RAB3C: variants seen among roughly 807,000 people sequenced by gnomAD.
The protein encoded by RAB3C is RAB3C, member RAS oncogene family, also known as ras-related protein Rab-3C.
A neutral mutation model predicts 26.4 loss-of-function variants in RAB3C; 17 were observed. That is an observed-to-expected ratio of 0.64 (90% CI 0.44 to 0.97). The LOEUF (loss-of-function observed/expected upper bound fraction) is 0.97. Among genes scored for constraint, RAB3C ranks in the 50% least tolerant of loss-of-function variants. The probability of loss-of-function intolerance (pLI) is 0.00; values close to 1 mark genes in which losing one functional copy is unlikely to be tolerated. For synonymous variants in RAB3C, 91 were observed against 95.9 expected, an observed-to-expected ratio of 0.95 and a Z score of 0.30; for missense variants, 242 against 281.9, an observed-to-expected ratio of 0.86 and a Z score of 1.01.
chr5:58,650,283 G>A (rs1010191652), intron 2 of RAB3C, among the ~76,000 whole-genome samples: 1 of 152,006 alleles, frequency 6.6e-6, no homozygotes, highest in African/African-American at 2.4e-5. Context: ...TATATATTTG[G>A]GGCTAGTGAT....
intron 3 of RAB3C, among the ~76,000 whole-genome samples, chr5:58,821,665 A>G (rs1423370): frequency 0.55 from 83,625 of 151,984 alleles, 23,486 homozygotes; most frequent in Middle Eastern, 0.71. Flanking sequence ...AAAATATGCT[A>G]TGACTCTGAG....
chr5:58,723,763 G>C (rs1250216818), intron 2 of RAB3C, among the ~76,000 whole-genome samples: 1 of 151,734 alleles, frequency 6.6e-6, no homozygotes, highest in Non-Finnish European at 1.5e-5. Flanking sequence ...TAAATCTTAG[G>C]GGTAGCTGGG....
At chr5:58,774,894 G>T (rs1742094033) in intron 3 of RAB3C, among the ~76,000 whole-genome samples, 1 of 152,124 alleles carries the variant, frequency 6.6e-6, no homozygotes, top group Admixed American at 6.5e-5. Context: ...TAGGATACAG[G>T]TCAGGGGACC....
intron 2 of RAB3C, among the ~76,000 whole-genome samples, chr5:58,663,344 A>G (rs2111810311): frequency 6.7e-6 from 1 of 150,312 alleles, no homozygotes; most frequent in South Asian, 2.1e-4. Context: ...GTATTATAAA[A>G]TTCATACCAA....
In RAB3C at chr5:58,674,857, A is replaced by AT. The variant is rs372285515; in HGVS notation, c.253-51144dup. ...GGACAAGTCTTGAGATGAAACATAC[A>AT]TAAAAAAAAAAAAGGTCTTTATAAA... On this transcript the variant is annotated intron_variant, in intron 2 of 4. Transcript: ENST00000282878. Among the ~76,000 whole-genome samples, 696 of 151,482 alleles carry AT rather than the reference A, an allele frequency of 4.6e-3. 3 individuals are homozygous for AT. The highest frequency in any genetic ancestry group is 0.01 in the Middle Eastern group (3 of 290).
intron 2 of RAB3C, among the ~76,000 whole-genome samples, chr5:58,687,815 A>G (rs1748477498): frequency 2.0e-5 from 3 of 152,154 alleles, no homozygotes; most frequent in Non-Finnish European, 4.4e-5. Context: ...ATACACTAGT[A>G]TCCTTTCTAG....
chr5:58,764,872 T>C (rs888692006), intron 3 of RAB3C, among the ~76,000 whole-genome samples: 1 of 152,204 alleles, frequency 6.6e-6, no homozygotes, highest in Admixed American at 6.5e-5. Flanking sequence ...ATTCTCATAA[T>C]ACCACCTCCT....
chr5:58,658,013 C>T (rs1747819180), intron 2 of RAB3C, among the ~76,000 whole-genome samples: 1 of 152,020 alleles, frequency 6.6e-6, no homozygotes, highest in African/African-American at 2.4e-5. Flanking sequence ...AGCTCCAAAA[C>T]TAATTAGTGA....
At chr5:58,660,157 A>AAT (rs1747871102) in intron 2 of RAB3C, among the ~76,000 whole-genome samples, 2 of 150,276 alleles carry the variant, frequency 1.3e-5, no homozygotes, top group African/African-American at 5.0e-5. Context: ...ATAAAACAAA[A>AAT]CAAAGCAAAC....
chr5:58,611,205 C>A (rs1167718815), intron 1 of RAB3C, among the ~76,000 whole-genome samples: 5 of 152,146 alleles, frequency 3.3e-5, no homozygotes, highest in Non-Finnish European at 7.4e-5. Context: ...GTGCATGTCT[C>A]TTTATAATAG....
At chr5:58,763,483 T>C (rs887030556) in intron 3 of RAB3C, among the ~76,000 whole-genome samples, 10 of 152,236 alleles carry the variant, frequency 6.6e-5, no homozygotes, top group African/African-American at 2.2e-4. Context: ...GCAGAGAAGG[T>C]CCCATTCAGA....
At position 58,597,730 on chromosome 5, in the gene RAB3C, G is replaced by C. The variant is rs1161257312; in HGVS notation, c.24+14498G>C. Among the ~76,000 whole-genome samples, 3 of 122,846 alleles carry C rather than the reference G, an allele frequency of 2.4e-5. 1 individual carries two copies. The highest frequency in any genetic ancestry group is 4.9e-5 in the Non-Finnish European group (3 of 60,644). The allele number at this position is 122,846 out of a possible 152,430, so 80.6% of individuals were successfully genotyped here. A position where few individuals can be genotyped will look rare whatever the true frequency, so the allele number is the denominator to read the frequency against. ...ATATAATATAGTACATTATATATAA[G>C]TATATAACATATAATACATTATATA... is the stretch of plus-strand genomic sequence containing the variant. On this transcript the variant is annotated intron_variant, in intron 1 of 4. Transcript: ENST00000282878.
upstream of RAB3C, among the ~76,000 whole-genome samples, chr5:58,582,829 T>G (rs1302011634): frequency 1.3e-5 from 2 of 152,156 alleles, no homozygotes; most frequent in Non-Finnish European, 2.9e-5. Context: ...CGCCTGCCCC[T>G]GGCGAGGAAA....
intron 3 of RAB3C, among the ~76,000 whole-genome samples, chr5:58,748,203 A>C (rs1335840645): frequency 1.3e-5 from 2 of 152,130 alleles, no homozygotes; most frequent in South Asian, 2.1e-4. Flanking sequence ...GAAATGATCT[A>C]TCAATCTAGA....
At chr5:58,731,950 G>C (rs1474089396) in intron 3 of RAB3C, among the ~76,000 whole-genome samples, 1 of 152,174 alleles carries the variant, frequency 6.6e-6, no homozygotes, top group Non-Finnish European at 1.5e-5. Flanking sequence ...TGATAGTCCA[G>C]AAGAGCCCTT....
chr5:58,777,722 T>A (rs2111996818), intron 3 of RAB3C, among the ~76,000 whole-genome samples: 1 of 151,952 alleles, frequency 6.6e-6, no homozygotes, highest in South Asian at 2.1e-4. Flanking sequence ...ATTAGGTATA[T>A]CTCCGAATGC....
At chr5:58,782,865 T>C (rs974869234) in intron 3 of RAB3C, among the ~76,000 whole-genome samples, 25 of 152,108 alleles carry the variant, frequency 1.6e-4, no homozygotes, top group African/African-American at 5.8e-4. Flanking sequence ...TAGGACCACA[T>C]TTACCTTTCA....
At chr5:58,704,418 A>G (rs1425503409) in intron 2 of RAB3C, among the ~76,000 whole-genome samples, 1 of 152,118 alleles carries the variant, frequency 6.6e-6, no homozygotes, top group East Asian at 1.9e-4. Context: ...AAATTAAAGG[A>G]CTCTGATAGA....
At chr5:58,655,289 G>A (rs1747743823) in intron 2 of RAB3C, among the ~76,000 whole-genome samples, 1 of 152,216 alleles carries the variant, frequency 6.6e-6, no homozygotes, top group South Asian at 2.1e-4. Flanking sequence ...TGAATGAGGA[G>A]TCTTTGGCAA....
Sources: gnomAD v4.1 joint callset for allele counts (sites outside exome capture counted in the v4.1 genomes callset) on GRCh38, gnomAD v4.1.1 for gene constraint, MANE v1.5 for transcripts, NCBI Gene and HGNC (gene_info 2026-07-23, HGNC 2026-07-21) for gene names.